The following CSMD1 variants were observed in gnomAD, a reference collection of about 807,000 sequenced individuals.
CSMD1 encodes CUB and sushi domain-containing protein 1.
Under a neutral mutation model 417.5 loss-of-function variants are expected in CSMD1, and 213 were observed. The observed-to-expected ratio is 0.51, with a 90% confidence interval of 0.46 to 0.57. CSMD1 has a LOEUF of 0.57. Ranked by LOEUF, CSMD1 falls within the 20% of genes least tolerant of loss-of-function variation. The pLI is 0.00. For missense variants in CSMD1, 6,923 were observed against 4,529.7 expected (o/e 1.53, Z -15.17); for synonymous variants, 2,862 against 1,736.8 (o/e 1.65, Z -16.11).
chr8:3,313,864 C>A (rs562632145), intron 23 of CSMD1, among the ~76,000 whole-genome samples: 1 of 152,278 alleles, frequency 6.6e-6, no homozygotes, highest in Middle Eastern at 3.4e-3. Flanking sequence ...AGATTTGGAA[C>A]CAACCCAAAT....
chr8:3,647,643 G>C lies in CSMD1; in HGVS notation c.1010-30846C>G, dbSNP rs866747151. 7.2e-5 allele frequency among the ~76,000 whole-genome samples: 11 copies of C among 152,300 alleles called. No homozygotes were observed. In the Middle Eastern group the frequency reaches 0.01, roughly 141 times the overall value. ...TGTGGTATGCTGCCATGTGATTAAA[G>C]CATTCAAACAAATTTTGTGAATTTG... On this transcript the variant is annotated intron_variant, in intron 7 of 69. Transcript: ENST00000635120.
intron 5 of CSMD1, among the ~76,000 whole-genome samples, chr8:3,956,813 C>A (rs1184242152): frequency 1.3e-5 from 2 of 152,112 alleles, no homozygotes; most frequent in Non-Finnish European, 2.9e-5. Context: ...GACACCCAGC[C>A]GTTACGGAAG....
chr8:3,351,375 C>A (rs546818005), intron 21 of CSMD1, among the ~76,000 whole-genome samples: 6 of 152,082 alleles, frequency 3.9e-5, no homozygotes, highest in Middle Eastern at 6.8e-3. Context: ...CTTTCGGAGG[C>A]CGAGGCAGGC....
chr8:4,785,384 T>A lies in CSMD1; in HGVS notation c.86-147826A>T, dbSNP rs557006652. 2.6e-5 allele frequency among the ~76,000 whole-genome samples: 4 copies of A among 152,146 alleles called. No individual in the cohort carries two copies. In the South Asian group the frequency reaches 8.3e-4, roughly 32 times the overall value. ...GGTCTCAGAGCTGGTATGGAAGAGG[T>A]ACCTCAGTTCAGAATCTCTTAGGTA... On this transcript the variant is annotated intron_variant, in intron 1 of 69. Coordinates refer to ENST00000635120, the MANE Select transcript of CSMD1 (RefSeq NM_033225.6).
chr8:4,623,012 C>CT (rs1491370512), intron 2 of CSMD1, among the ~76,000 whole-genome samples: 2 of 151,972 alleles, frequency 1.3e-5, no homozygotes, highest in African/African-American at 2.4e-5. Flanking sequence ...ATAAATTAGA[C>CT]TTTTTTAAGA....
chr8:3,176,044 A>G (rs974305881), intron 37 of CSMD1, among the ~76,000 whole-genome samples: 1 of 152,144 alleles, frequency 6.6e-6, no homozygotes, highest in African/African-American at 2.4e-5. Context: ...TCATTAGATG[A>G]GGTATTGAAT....
chr8:4,061,203 T>G (rs969957291), intron 3 of CSMD1, among the ~76,000 whole-genome samples: 1 of 152,168 alleles, frequency 6.6e-6, no homozygotes, highest in Non-Finnish European at 1.5e-5. Context: ...TGAGCCCTTT[T>G]AGGAACCCAG....
rs561822806 is a variant in CSMD1, at chr8:2,975,095, G to C, written c.8567-471C>G. Reference sequence around the variant, plus strand: ...TTAATCTTCAAGCTCACATGTCTAAGAAAACCATTCTAACAGTTACTCTTT... The same window carrying C: ...TTAATCTTCAAGCTCACATGTCTAACAAAACCATTCTAACAGTTACTCTTT... On this transcript the variant is annotated intron_variant, in intron 55 of 69. Transcript: ENST00000635120. Among the ~76,000 whole-genome samples the C allele has an allele frequency of 5.9e-5, 9 of 152,274 alleles. No individual in the cohort carries two copies. In the South Asian group the frequency reaches 1.9e-3, roughly 32 times the overall value.
intron 3 of CSMD1, among the ~76,000 whole-genome samples, chr8:4,165,293 A>T (rs373539771): frequency 3.3e-5 from 5 of 152,226 alleles, no homozygotes; most frequent in Non-Finnish European, 1.5e-5. Context: ...CCACTCGGTT[A>T]AGTTCTGTGT....
chr8:3,077,698 C>A (rs1338554283), intron 49 of CSMD1, among the ~76,000 whole-genome samples: 1 of 152,242 alleles, frequency 6.6e-6, no homozygotes, highest in African/African-American at 2.4e-5. Flanking sequence ...CAGCCCCGAC[C>A]CCGGCTTGCC....
intron 5 of CSMD1, among the ~76,000 whole-genome samples, chr8:3,815,074 C>T (rs913807934): frequency 2.0e-5 from 3 of 152,136 alleles, no homozygotes; most frequent in African/African-American, 7.2e-5. Flanking sequence ...GATTAAATGT[C>T]CCCTGATATT....
intron 3 of CSMD1, among the ~76,000 whole-genome samples, chr8:4,417,746 C>G (rs1446306176): frequency 6.6e-6 from 1 of 151,904 alleles, no homozygotes; most frequent in African/African-American, 2.4e-5. Context: ...TCTAAATCAA[C>G]TTGAAACATT....
chr8:3,406,818 T>A (rs536090875), intron 14 of CSMD1, among the ~76,000 whole-genome samples: 3 of 152,336 alleles, frequency 2.0e-5, no homozygotes, highest in African/African-American at 7.2e-5. Flanking sequence ...AAGTAGATAT[T>A]CTTACATAAA....
intron 43 of CSMD1, 28 bp from the exon 44 acceptor site, chr8:3,108,776 C>G (rs1348661426): frequency 3.8e-6 from 6 of 1,585,734 alleles, no homozygotes; most frequent in African/African-American, 1.4e-5. Flanking sequence ...AGGTGGCTGG[C>G]TAAGGATATT....
At chr8:4,274,944 G>C (rs190323258) in intron 3 of CSMD1, among the ~76,000 whole-genome samples, 19 of 152,102 alleles carry the variant, frequency 1.2e-4, no homozygotes, top group African/African-American at 3.6e-4. Context: ...ATTTTCTTGA[G>C]AGCCATCAAC....
At chr8:4,356,388 G>T (rs1303387377) in intron 3 of CSMD1, among the ~76,000 whole-genome samples, 1 of 151,962 alleles carries the variant, frequency 6.6e-6, no homozygotes, top group Non-Finnish European at 1.5e-5. Context: ...GGACATTTGG[G>T]TTGGTTCTAC....
chr8:4,920,266 G>A (rs948921036), intron 1 of CSMD1, among the ~76,000 whole-genome samples: 1 of 152,070 alleles, frequency 6.6e-6, no homozygotes, highest in Non-Finnish European at 1.5e-5. Context: ...TTATACTTAT[G>A]ACTGGCTGAA....
intron 5 of CSMD1, among the ~76,000 whole-genome samples, chr8:3,971,962 C>T (rs1444535459): frequency 6.6e-6 from 1 of 151,888 alleles, no homozygotes; most frequent in African/African-American, 2.4e-5. Flanking sequence ...GGCTGGAGTG[C>T]AGTGGGTGAT....
In CSMD1 at chr8:3,106,574, C is replaced by T. The variant is rs1471385402; in HGVS notation, c.6903G>A (p.Lys2301=). The part of the protein sequence containing the change: ...TLVGTDILTC[K]LSSQLQFEGS... ...CCTCAAACTGCAACTGGGAACTGAG[C>T]TTGCAAGTCAGAATGTCGGTCCCCA... is the stretch of plus-strand genomic sequence containing the variant. Residue 2301 remains lysine (K), a synonymous_variant, in exon 46 of 70, where the codon AAG becomes AAA. Transcript: ENST00000635120. 1.1e-5 allele frequency: 17 copies of T among 1,613,898 alleles called. No individual in the cohort carries two copies. Among genetic ancestry groups the T allele is most frequent in the Non-Finnish European group, 1.4e-5 (16 of 1,179,832 alleles).
Sources: gnomAD v4.1 joint callset for allele counts (sites outside exome capture counted in the v4.1 genomes callset) on GRCh38, gnomAD v4.1.1 for gene constraint, MANE v1.5 for transcripts, NCBI Gene and HGNC (gene_info 2026-07-23, HGNC 2026-07-21) for gene names.